The following CPQ variants were observed in gnomAD, a reference collection of about 807,000 sequenced individuals.
CPQ encodes the protein Ser-Met dipeptidase.
A neutral mutation model predicts 45.7 loss-of-function variants in CPQ; 37 were observed. That is an observed-to-expected ratio of 0.81 (90% CI 0.62 to 1.07). CPQ has a LOEUF of 1.07. Among genes scored for constraint, CPQ ranks in the 50% least tolerant of loss-of-function variants. The pLI is 0.00. For synonymous variants in CPQ, 186 were observed against 205.8 expected (o/e 0.90, Z 0.82); for missense variants, 537 against 572.9 (o/e 0.94, Z 0.64).
intron 1 of CPQ, among the ~76,000 whole-genome samples, chr8:96,694,530 G>T (rs577293280): frequency 6.6e-6 from 1 of 152,172 alleles, no homozygotes; most frequent in African/African-American, 2.4e-5. Flanking sequence ...TAGGCCACAA[G>T]ACAAGTCTTA....
intron 1 of CPQ, among the ~76,000 whole-genome samples, chr8:96,681,865 C>A (rs1809157238): frequency 1.3e-5 from 2 of 152,098 alleles, no homozygotes; most frequent in South Asian, 4.1e-4. Context: ...CAAAGGGCAC[C>A]ATTTTGGAAT....
chr8:96,662,072 T>C (rs1213627302), intron 1 of CPQ, among the ~76,000 whole-genome samples: 1 of 152,252 alleles, frequency 6.6e-6, no homozygotes. Flanking sequence ...TTTTCCACTT[T>C]ATATCTTCTT....
intron 2 of CPQ, among the ~76,000 whole-genome samples, chr8:96,817,358 C>G (rs1432277571): frequency 6.6e-6 from 1 of 152,086 alleles, no homozygotes; most frequent in Non-Finnish European, 1.5e-5. Flanking sequence ...GAACTCACTG[C>G]TCACAGGTTA....
chr8:97,113,324 A>C lies in CPQ; in HGVS notation c.1256-29696A>C, dbSNP rs570541104. On this transcript the variant is annotated intron_variant, in intron 7 of 7. Coordinates refer to ENST00000220763, the MANE Select transcript of CPQ (RefSeq NM_016134.4). ...AGACAGAGAGAGCAGCAGCAGGAGA[A>C]GGGTGTGGGGTAAAAGAATGGGTTG... Among the ~76,000 whole-genome samples the C allele has an allele frequency of 1.1e-3, 161 of 152,298 alleles. 1 individual carries two copies. Among genetic ancestry groups the C allele is most frequent in the African/African-American group, 3.7e-3 (155 of 41,564 alleles).
chr8:96,965,593 TC>T (rs1277558068), intron 4 of CPQ, among the ~76,000 whole-genome samples: 1 of 152,026 alleles, frequency 6.6e-6, no homozygotes, highest in Non-Finnish European at 1.5e-5. Context: ...ATGGTCTTGA[TC>T]TCCTGACCTC....
intron 1 of CPQ, among the ~76,000 whole-genome samples, chr8:96,763,104 A>G (rs767360036): frequency 6.6e-6 from 1 of 152,018 alleles, no homozygotes; most frequent in Admixed American, 6.6e-5. Context: ...TCCCTGTCCA[A>G]CTTTCCTCTT....
At chr8:97,011,439 A>G (rs955430728) in intron 5 of CPQ, among the ~76,000 whole-genome samples, 1 of 152,232 alleles carries the variant, frequency 6.6e-6, no homozygotes, top group Non-Finnish European at 1.5e-5. Context: ...GTTAGATTAT[A>G]TTCTCTAAGT....
At chr8:97,016,661 C>T (rs1382865856) in intron 5 of CPQ, among the ~76,000 whole-genome samples, 1 of 152,164 alleles carries the variant, frequency 6.6e-6, no homozygotes, top group Non-Finnish European at 1.5e-5. Flanking sequence ...GGGCAGCCAA[C>T]TCTGCCTTTG....
rs115440593 is a variant in CPQ, at chr8:96,902,422, T to C, written c.849+22417T>C. ...AACCTCGATAGACTTTTCCCAAAGTTCATGCTCTTCTGAATATTACTTATT... is the reference window on the plus strand; with the variant it reads ...AACCTCGATAGACTTTTCCCAAAGTCCATGCTCTTCTGAATATTACTTATT... On this transcript the variant is annotated intron_variant, in intron 4 of 7. Transcript: ENST00000220763. 7.6e-3 allele frequency among the ~76,000 whole-genome samples: 1,159 copies of C among 152,296 alleles called. 8 individuals carry two copies. Among genetic ancestry groups the C allele is most frequent in the African/African-American group, 0.024 (990 of 41,564 alleles).
intron 4 of CPQ, among the ~76,000 whole-genome samples, chr8:96,936,062 C>A (rs1347618530): frequency 6.7e-6 from 1 of 149,614 alleles, no homozygotes; most frequent in Non-Finnish European, 1.5e-5. Context: ...TATATTCTTT[C>A]CCTCATTTTT....
At chr8:96,915,574 G>C (rs1812723086) in intron 4 of CPQ, among the ~76,000 whole-genome samples, 1 of 152,058 alleles carries the variant, frequency 6.6e-6, no homozygotes, top group South Asian at 2.1e-4. Context: ...CTCATTGAAT[G>C]CTCCTTTTCC....
At chr8:96,841,323 T>C (rs1811605331) in intron 3 of CPQ, among the ~76,000 whole-genome samples, 1 of 152,246 alleles carries the variant, frequency 6.6e-6, no homozygotes. Flanking sequence ...TTTAAAATTC[T>C]AGGCTGGCTT....
chr8:97,133,362 T>TAATC (rs1186916209), intron 7 of CPQ: 2 of 152,230 alleles, frequency 1.3e-5, no homozygotes, highest in African/African-American at 4.8e-5. Flanking sequence ...TCAGTGCTCT[T>TAATC]AATCATTAGA....
At chr8:96,846,543 C>T (rs570353689) in intron 3 of CPQ, among the ~76,000 whole-genome samples, 167 of 152,252 alleles carry the variant, frequency 1.1e-3, no homozygotes, top group Middle Eastern at 6.8e-3. Context: ...TATGCATCTA[C>T]ATTCATTACT....
At chr8:97,126,540 T>C (rs895080126) in intron 7 of CPQ, among the ~76,000 whole-genome samples, 1 of 152,184 alleles carries the variant, frequency 6.6e-6, no homozygotes, top group Non-Finnish European at 1.5e-5. Context: ...ACTACAAACA[T>C]ATGCTGCTAG....
chr8:96,691,690 G>A (rs577021078), intron 1 of CPQ, among the ~76,000 whole-genome samples: 5 of 152,254 alleles, frequency 3.3e-5, no homozygotes, highest in Admixed American at 6.5e-5. Context: ...TTTGGTAACT[G>A]GTGTGAGAAT....
intron 1 of CPQ, among the ~76,000 whole-genome samples, chr8:96,707,351 T>G (rs1215562992): frequency 6.6e-6 from 1 of 152,176 alleles, no homozygotes; most frequent in African/African-American, 2.4e-5. Context: ...CACATGTGGA[T>G]AGGAGCTACT....
At chr8:96,771,782 T>A (rs1810546697) in intron 1 of CPQ, among the ~76,000 whole-genome samples, 1 of 152,200 alleles carries the variant, frequency 6.6e-6, no homozygotes, top group Non-Finnish European at 1.5e-5. Flanking sequence ...TCCCTAATTT[T>A]ATGCCTGGTG....
At chr8:96,755,937 C>T (rs1352762730) in intron 1 of CPQ, among the ~76,000 whole-genome samples, 1 of 151,956 alleles carries the variant, frequency 6.6e-6, no homozygotes, top group Non-Finnish European at 1.5e-5. Flanking sequence ...TCAATTAGTG[C>T]AGCAGGATAT....
Sources: gnomAD v4.1 joint callset for allele counts (sites outside exome capture counted in the v4.1 genomes callset) on GRCh38, gnomAD v4.1.1 for gene constraint, MANE v1.5 for transcripts, NCBI Gene and HGNC (gene_info 2026-07-23, HGNC 2026-07-21) for gene names.